MARK1: variants seen among roughly 807,000 people sequenced by gnomAD.
MARK1 encodes the protein serine/threonine-protein kinase MARK1.
A neutral mutation model predicts 96.3 loss-of-function variants in MARK1; 40 were observed. That is an observed-to-expected ratio of 0.42 (90% CI 0.32 to 0.54). The LOEUF (loss-of-function observed/expected upper bound fraction) is 0.54. MARK1 is among the 20% of genes least tolerant of loss of function. The probability of loss-of-function intolerance (pLI) is 0.16; values close to 1 mark genes in which losing one functional copy is unlikely to be tolerated. For missense variants in MARK1, 719 were observed against 984.6 expected, an observed-to-expected ratio of 0.73 and a Z score of 3.61; for synonymous variants, 317 against 341.2, an observed-to-expected ratio of 0.93 and a Z score of 0.78.
At chr1:220,589,543 G>A (rs532873125) in intron 3 of MARK1, among the ~76,000 whole-genome samples, 7 of 152,242 alleles carry the variant, frequency 4.6e-5, no homozygotes, top group African/African-American at 1.7e-4. Context: ...CTGGAACAAA[G>A]CCAAGAACCA....
chr1:220,600,695 C>T (rs1024753873), intron 5 of MARK1, among the ~76,000 whole-genome samples: 1 of 152,046 alleles, frequency 6.6e-6, no homozygotes, highest in African/African-American at 2.4e-5. Context: ...AAGAAGGCAG[C>T]TGAAATTATT....
At chr1:220,577,859 C>T (rs532861299) in intron 1 of MARK1, among the ~76,000 whole-genome samples, 4 of 152,114 alleles carry the variant, frequency 2.6e-5, no homozygotes, top group South Asian at 2.1e-4. Context: ...CAGGTTGTGG[C>T]GAGAATACCC....
At chr1:220,534,727 T>C (rs1443059006) in intron 1 of MARK1, among the ~76,000 whole-genome samples, 1 of 152,152 alleles carries the variant, frequency 6.6e-6, no homozygotes, top group Non-Finnish European at 1.5e-5. Context: ...TTTTCTGCTT[T>C]GATGAGTTTG....
At chr1:220,588,011 G>A (rs1362793631) in intron 3 of MARK1, among the ~76,000 whole-genome samples, 1 of 152,102 alleles carries the variant, frequency 6.6e-6, no homozygotes, top group African/African-American at 2.4e-5. Flanking sequence ...AGCCAACACT[G>A]TATGAGATTT....
At chr1:220,646,148 A>G (rs1293336608) in intron 13 of MARK1, among the ~76,000 whole-genome samples, 1 of 152,190 alleles carries the variant, frequency 6.6e-6, no homozygotes, top group Non-Finnish European at 1.5e-5. Flanking sequence ...AGGATCCTGT[A>G]TCTAGAAAAT....
intron 9 of MARK1, among the ~76,000 whole-genome samples, chr1:220,629,322 A>T (rs1019395535): frequency 7.3e-5 from 11 of 151,622 alleles, no homozygotes; most frequent in African/African-American, 2.7e-4. Context: ...TTGCCTGACC[A>T]TGAGTATAGT....
intron 1 of MARK1, among the ~76,000 whole-genome samples, chr1:220,547,030 C>A: frequency 6.6e-6 from 1 of 151,772 alleles, no homozygotes; most frequent in East Asian, 1.9e-4. Context: ...GAATAGAAAG[C>A]AAAAAGCTAT....
intron 3 of MARK1, among the ~76,000 whole-genome samples, chr1:220,597,356 T>A (rs1184979673): frequency 6.6e-6 from 1 of 152,144 alleles, no homozygotes; most frequent in Non-Finnish European, 1.5e-5. Flanking sequence ...ACTGTTCCAG[T>A]CTCTCCACAT....
At chr1:220,533,206 G>GA in intron 1 of MARK1, among the ~76,000 whole-genome samples, 1 of 152,204 alleles carries the variant, frequency 6.6e-6, no homozygotes, top group East Asian at 1.9e-4. Flanking sequence ...CAAGACTTCT[G>GA]AAATGATTGC....
chr1:220,548,270 T>C (rs1558250536), intron 1 of MARK1, among the ~76,000 whole-genome samples: 1 of 152,238 alleles, frequency 6.6e-6, no homozygotes, highest in African/African-American at 2.4e-5. Flanking sequence ...AAAGTTAAAG[T>C]TATCATAAAA....
At chr1:220,594,112 A>G (rs1324527499) in intron 3 of MARK1, among the ~76,000 whole-genome samples, 1 of 152,212 alleles carries the variant, frequency 6.6e-6, no homozygotes, top group Non-Finnish European at 1.5e-5. Context: ...TACATTTCCT[A>G]CTGTCCACAG....
At chr1:220,546,575 C>G (rs1558249254) in intron 1 of MARK1, among the ~76,000 whole-genome samples, 1 of 152,182 alleles carries the variant, frequency 6.6e-6, no homozygotes, top group African/African-American at 2.4e-5. Context: ...AGCTACTGCT[C>G]TGTTCTGGGT....
chr1:220,565,025 C>G (rs542551113), intron 1 of MARK1, among the ~76,000 whole-genome samples: 3 of 152,184 alleles, frequency 2.0e-5, no homozygotes, highest in African/African-American at 7.2e-5. Flanking sequence ...ATTTAAAACA[C>G]TACAGAACTA....
intron 1 of MARK1, among the ~76,000 whole-genome samples, chr1:220,546,000 CT>C (rs1459746899): frequency 2.0e-5 from 3 of 152,162 alleles, no homozygotes; most frequent in Non-Finnish European, 4.4e-5. Context: ...CTGACCACCC[CT>C]GAGAGCTGAT....
rs1427499196 is a variant in MARK1, at chr1:220,663,069, C to A, written c.*903C>A. The A allele has an allele frequency of 3.3e-5, 5 of 152,576 alleles. No homozygotes were observed. The highest frequency in any genetic ancestry group is 1.2e-4 in the African/African-American group (5 of 41,424). The allele number at this position is 152,576 out of a possible 1,614,324, so 9.5% of individuals were successfully genotyped here. Reference sequence around the variant, plus strand: ...ATAATATTGGGACTGTTTCACAGCACAAACTCATCTTTACAGTGTTGATCA... The same window carrying A: ...ATAATATTGGGACTGTTTCACAGCAAAAACTCATCTTTACAGTGTTGATCA... On this transcript the variant is annotated 3_prime_UTR_variant, in exon 18 of 18. Transcript: ENST00000366917.
At chr1:220,658,408 C>T (rs904101927) in intron 17 of MARK1, among the ~76,000 whole-genome samples, 5 of 152,286 alleles carry the variant, frequency 3.3e-5, no homozygotes, top group African/African-American at 1.2e-4. Context: ...GGATCCCACT[C>T]CCAGGGTTTC....
chr1:220,605,567 C>A (rs1330782778), intron 6 of MARK1, among the ~76,000 whole-genome samples: 1 of 151,304 alleles, frequency 6.6e-6, no homozygotes, highest in Non-Finnish European at 1.5e-5. Flanking sequence ...GCACAACATG[C>A]AGGTTTGATA....
At chr1:220,640,872 C>T (rs1668230964) in intron 13 of MARK1, among the ~76,000 whole-genome samples, 2 of 152,174 alleles carry the variant, frequency 1.3e-5, no homozygotes, top group South Asian at 2.1e-4. Context: ...ATCAGCCACA[C>T]CTCCCAACAC....
chr1:220,618,414 C>T lies in MARK1; in HGVS notation c.657C>T (p.Ser219=), dbSNP rs770067238. The change falls in exon 8 of 18, where the codon AGC becomes AGT. Residue 219 remains serine (S), a synonymous_variant. Coordinates refer to ENST00000366917, the MANE Select transcript of MARK1 (RefSeq NM_018650.5). This position sits in a 1 kb window ranked among gnomAD's most constrained non-coding sequence, Gnocchi z 4.6. ...VGNKLDTFCG[S]PPYAAPELFQ... is the part of the protein sequence containing the mutation. ...ACAAATTGGACACATTTTGTGGAAGCCCACCCTATGCTGCTCCCGAGCTTT... is the reference window on the plus strand; with the variant it reads ...ACAAATTGGACACATTTTGTGGAAGTCCACCCTATGCTGCTCCCGAGCTTT... 9 of 1,613,984 alleles carry T rather than the reference C, an allele frequency of 5.6e-6. No individual in the cohort carries two copies. Among genetic ancestry groups the T allele is most frequent in the East Asian group, 2.2e-5 (1 of 44,882 alleles).
Sources: allele counts gnomAD v4.1 joint callset (sites outside exome capture counted in the v4.1 genomes callset), GRCh38; gene constraint gnomAD v4.1.1; non-coding constraint Gnocchi (gnomAD v3.1); transcripts MANE v1.5; gene names NCBI Gene and HGNC (gene_info 2026-07-23, HGNC 2026-07-21).